The following AGBL1 variants were observed in gnomAD, a reference collection of about 807,000 sequenced individuals.
AGBL1 encodes the protein AGBL carboxypeptidase 1.
In AGBL1, 130 loss-of-function variants were observed where a neutral mutation model predicts 118.9. The ratio of observed to expected loss-of-function variants is 1.09; its 90% CI spans 0.95 to 1.26. The LOEUF (loss-of-function observed/expected upper bound fraction) is 1.26, where lower values mean the gene tolerates loss of function less well. AGBL1 is among the 50% of genes most tolerant of loss of function. The pLI, the probability that AGBL1 is intolerant of heterozygous loss-of-function variation, is 0.00. For synonymous variants in AGBL1, 555 were observed against 478.9 expected (o/e 1.16, Z -2.08); for missense variants, 1,584 against 1,298.1 (o/e 1.22, Z -3.38).
At chr15:86,435,710 C>G (rs1303067024) in intron 18 of AGBL1, among the ~76,000 whole-genome samples, 1 of 152,180 alleles carries the variant, frequency 6.6e-6, no homozygotes, top group Non-Finnish European at 1.5e-5. Context: ...AACTCCCAGG[C>G]TAGCCAGAAA....
At position 86,552,239 on chromosome 15, in the gene AGBL1, G is replaced by A. The variant is rs138130864; in HGVS notation, c.2818-2122G>A. 3.0e-3 allele frequency among the ~76,000 whole-genome samples: 453 copies of A among 152,212 alleles called. 3 individuals are homozygous for A. Among genetic ancestry groups the A allele is most frequent in the African/African-American group, 0.01 (424 of 41,520 alleles). ...GGGAGTCCATGCATGTACAGGAGTG[G>A]GGGGCATATGGGAAATCCCTGCATC... On this transcript the variant is annotated intron_variant, in intron 20 of 22. Coordinates refer to ENST00000614907, the MANE Select transcript of AGBL1 (RefSeq NM_001386094.1).
intron 22 of AGBL1, among the ~76,000 whole-genome samples, chr15:86,785,696 A>T (rs1025265402): frequency 2.0e-5 from 3 of 152,130 alleles, no homozygotes; most frequent in Non-Finnish European, 4.4e-5. Flanking sequence ...AAGGGTCAGT[A>T]GTGATTATGA....
chr15:86,275,540 CA>C (rs1201562179), intron 15 of AGBL1, among the ~76,000 whole-genome samples: 1 of 152,140 alleles, frequency 6.6e-6, no homozygotes, highest in East Asian at 1.9e-4. Flanking sequence ...TGAAAAGAAA[CA>C]ATGACTTTCC....
At chr15:86,142,232 G>A (rs2076973137) in intron 2 of AGBL1, among the ~76,000 whole-genome samples, 165 bp downstream of exon 2, 1 of 152,180 alleles carries the variant, frequency 6.6e-6, no homozygotes, top group Non-Finnish European at 1.5e-5. Context: ...TAAGACCCAA[G>A]TAACCTGGAC....
intron 22 of AGBL1, among the ~76,000 whole-genome samples, chr15:86,864,680 A>C (rs1165172014): frequency 1.3e-5 from 2 of 152,182 alleles, no homozygotes; most frequent in African/African-American, 4.8e-5. Context: ...TGAATGTTTT[A>C]TAGCAGGAAG....
At chr15:86,726,930 T>A (rs2142738171) in intron 22 of AGBL1, among the ~76,000 whole-genome samples, 1 of 152,260 alleles carries the variant, frequency 6.6e-6, no homozygotes, top group South Asian at 2.1e-4. Flanking sequence ...CTACAATGAA[T>A]GGTAGAAACG....
intron 5 of AGBL1, among the ~76,000 whole-genome samples, chr15:86,171,620 A>G (rs1478322224): frequency 6.6e-6 from 1 of 152,060 alleles, no homozygotes; most frequent in African/African-American, 2.4e-5. Flanking sequence ...ATTAACAGGA[A>G]TGTAGACTTA....
chr15:86,782,795 G>A (rs1430538826), intron 22 of AGBL1, among the ~76,000 whole-genome samples: 1 of 152,126 alleles, frequency 6.6e-6, no homozygotes, highest in Non-Finnish European at 1.5e-5. Flanking sequence ...GCCTTGCAAT[G>A]GTAAAGCAAA....
At chr15:86,824,095 T>G (rs942085226) in intron 22 of AGBL1, among the ~76,000 whole-genome samples, 5 of 151,418 alleles carry the variant, frequency 3.3e-5, no homozygotes, top group Non-Finnish European at 7.4e-5. Context: ...AAAAAACAAA[T>G]AAAAGAAATA....
At chr15:86,663,333 G>A (rs1344837681) in intron 21 of AGBL1, among the ~76,000 whole-genome samples, 1 of 152,200 alleles carries the variant, frequency 6.6e-6, no homozygotes, top group Admixed American at 6.5e-5. Context: ...AATGATGTAT[G>A]TAACCATGGG....
chr15:87,027,505 TAATAC>T (rs1475454682), intron 24 of AGBL1, among the ~76,000 whole-genome samples: 1 of 82,814 alleles, frequency 1.2e-5, no homozygotes, highest in Admixed American at 1.3e-4. Context: ...ATGCATTATA[TAATAC>T]ATTATATAGA....
chr15:86,740,042 T>C (rs1452441), intron 22 of AGBL1, among the ~76,000 whole-genome samples: 1,867 of 152,276 alleles, frequency 0.012, 29 homozygotes, highest in East Asian at 0.069. Context: ...GCTATAAAAA[T>C]AACCTCACTT....
chr15:86,198,284 C>G, intron 5 of AGBL1, among the ~76,000 whole-genome samples: 1 of 152,140 alleles, frequency 6.6e-6, no homozygotes, highest in East Asian at 1.9e-4. Flanking sequence ...CATGAGCTCA[C>G]AGCTATGGAG....
At chr15:86,462,474 C>A (rs758021695) in intron 18 of AGBL1, among the ~76,000 whole-genome samples, 8 of 151,882 alleles carry the variant, frequency 5.3e-5, no homozygotes, top group South Asian at 4.1e-4. Context: ...CTGGGATACA[C>A]GTGCAGAATG....
chr15:86,525,085 A>G (rs1020908017), intron 19 of AGBL1, among the ~76,000 whole-genome samples: 1 of 152,128 alleles, frequency 6.6e-6, no homozygotes, highest in African/African-American at 2.4e-5. Flanking sequence ...ACACTAATCA[A>G]TAGCACTGCT....
chr15:86,812,300 A>G (rs887501017), intron 22 of AGBL1, among the ~76,000 whole-genome samples: 2 of 152,202 alleles, frequency 1.3e-5, no homozygotes, highest in African/African-American at 4.8e-5. Flanking sequence ...TGACACCCCA[A>G]TATGGTGTTT....
intron 5 of AGBL1, among the ~76,000 whole-genome samples, chr15:86,192,913 A>C (rs979987134): frequency 6.6e-6 from 1 of 152,230 alleles, no homozygotes; most frequent in African/African-American, 2.4e-5. Context: ...TGATCTGTCC[A>C]TTATGCATCC....
At chr15:86,674,700 GACAC>G (rs987241102) in intron 22 of AGBL1, among the ~76,000 whole-genome samples, 9 of 151,996 alleles carry the variant, frequency 5.9e-5, no homozygotes, top group Non-Finnish European at 8.8e-5. Context: ...GTGGCTTGGT[GACAC>G]ACACACAGGA....
chr15:86,438,992 C>T (rs2082030751), intron 18 of AGBL1, among the ~76,000 whole-genome samples: 1 of 152,036 alleles, frequency 6.6e-6, no homozygotes, highest in South Asian at 2.1e-4. Flanking sequence ...GCATCTCTCC[C>T]TCCTCCATTG....
Sources: gnomAD v4.1 joint callset for allele counts (sites outside exome capture counted in the v4.1 genomes callset) on GRCh38, gnomAD v4.1.1 for gene constraint, MANE v1.5 for transcripts, NCBI Gene and HGNC (gene_info 2026-07-23, HGNC 2026-07-21) for gene names.